The following THSD7B variants were observed in gnomAD, a reference collection of about 807,000 sequenced individuals.
THSD7B encodes thrombospondin type 1 domain containing 7B.
THSD7B carries 138 observed loss-of-function variants against 213.6 expected under a neutral mutation model. That is an observed-to-expected ratio of 0.65 (90% CI 0.56 to 0.74). THSD7B has a LOEUF of 0.74. Among genes scored for constraint, THSD7B ranks in the 30% least tolerant of loss-of-function variants. The pLI is 0.00. For synonymous variants in THSD7B, 742 were observed against 687.0 expected (o/e 1.08, Z -1.25); for missense variants, 1,931 against 1,991.5 (o/e 0.97, Z 0.58).
chr2:137,469,794 G>A (rs1688058544), intron 15 of THSD7B, among the ~76,000 whole-genome samples: 1 of 152,100 alleles, frequency 6.6e-6, no homozygotes, highest in Non-Finnish European at 1.5e-5. Flanking sequence ...AAAGAGCACC[G>A]GTTGTTTCTC....
chr2:137,284,463 G>T (rs1683118579), intron 12 of THSD7B, among the ~76,000 whole-genome samples: 1 of 151,964 alleles, frequency 6.6e-6, no homozygotes, highest in Non-Finnish European at 1.5e-5. Flanking sequence ...GTTCGCTCTT[G>T]CTTCTCTAGT....
chr2:137,368,629 T>G (rs1573988215), intron 12 of THSD7B, among the ~76,000 whole-genome samples: 1 of 152,146 alleles, frequency 6.6e-6, no homozygotes, highest in East Asian at 1.9e-4. Flanking sequence ...AAATCAGAAT[T>G]GAAGATTATA....
At chr2:137,647,943 C>T (rs767245523) in intron 21 of THSD7B, among the ~76,000 whole-genome samples, 1 of 152,160 alleles carries the variant, frequency 6.6e-6, no homozygotes, top group Non-Finnish European at 1.5e-5. Context: ...TTGCCTTGGA[C>T]TCTGTTTTCT....
At chr2:136,834,145 T>C (rs1363189292) in intron 1 of THSD7B, among the ~76,000 whole-genome samples, 2 of 152,214 alleles carry the variant, frequency 1.3e-5, no homozygotes, top group Non-Finnish European at 2.9e-5. Context: ...TTGCTGAAAC[T>C]TCTCACAATC....
At chr2:136,917,635 C>G (rs1228998577) in intron 2 of THSD7B, among the ~76,000 whole-genome samples, 4 of 152,138 alleles carry the variant, frequency 2.6e-5, no homozygotes, top group African/African-American at 9.7e-5. Context: ...GGTTTCATTT[C>G]AGTCTGTTCC....
chr2:137,671,246 T>A (rs1055439585), intron 27 of THSD7B, among the ~76,000 whole-genome samples: 11 of 62,644 alleles, frequency 1.8e-4, no homozygotes, highest in Non-Finnish European at 4.1e-4. Context: ...TTTTTTTTTT[T>A]TAAAAAAAAA....
intron 6 of THSD7B, among the ~76,000 whole-genome samples, chr2:137,164,531 T>C (rs1484928064): frequency 2.6e-5 from 4 of 152,160 alleles, no homozygotes; most frequent in Non-Finnish European, 5.9e-5. Context: ...CATTACTGGG[T>C]ATATACCCAA....
At chr2:137,440,238 A>G (rs761338257) in intron 14 of THSD7B, among the ~76,000 whole-genome samples, 3 of 152,068 alleles carry the variant, frequency 2.0e-5, no homozygotes, top group Non-Finnish European at 4.4e-5. Flanking sequence ...TTGTTTTTTA[A>G]ATTTTAAAGA....
chr2:137,274,304 TTC>T (rs1309752427), intron 11 of THSD7B, among the ~76,000 whole-genome samples: 1 of 152,146 alleles, frequency 6.6e-6, no homozygotes, highest in African/African-American at 2.4e-5. Context: ...TATCATTATC[TTC>T]TGATTCTTCT....
In THSD7B at chr2:137,334,176, C is replaced by CTT. The variant is rs1395290093; in HGVS notation, c.2500+58151_2500+58152insTT. On this transcript the variant is annotated intron_variant, in intron 12 of 27. Transcript: ENST00000409968. ...CATTTCTTTCTTTCTCTCTTTCTCT[C>CTT]TCTCTCTCTCTCTCTCTCTCTCTCT... Among the ~76,000 whole-genome samples the CTT allele has an allele frequency of 4.4e-4, 12 of 27,334 alleles. No individual in the cohort carries two copies. In the East Asian group the frequency reaches 0.035, roughly 81 times the overall value. 17.9% of individuals were successfully genotyped at this position (27,334 alleles called of 152,430 possible).
chr2:137,583,660 A>G (rs1681639350), intron 17 of THSD7B, among the ~76,000 whole-genome samples: 2 of 152,114 alleles, frequency 1.3e-5, no homozygotes, highest in Middle Eastern at 3.4e-3. Context: ...GATGTGTGGT[A>G]TTATTTCTGA....
At chr2:137,515,163 G>A (rs576923477) in intron 15 of THSD7B, among the ~76,000 whole-genome samples, 123 of 152,254 alleles carry the variant, frequency 8.1e-4, no homozygotes, top group Non-Finnish European at 1.6e-3. Flanking sequence ...AGGACCCTGC[G>A]ACTTGGAATG....
chr2:137,101,337 G>A lies in THSD7B; in HGVS notation c.1199+6216G>A, dbSNP rs186613759. ...GATTACAGGCGTGAGCCACCATGCC[G>A]GCCTTCCATTGATTTTCTATCACAG... On this transcript the variant is annotated intron_variant, in intron 4 of 27. Coordinates refer to ENST00000409968, the MANE Select transcript of THSD7B (RefSeq NM_001316349.2). Among the ~76,000 whole-genome samples, 719 of 152,220 alleles carry A rather than the reference G, an allele frequency of 4.7e-3. 3 individuals are homozygous for A. Among genetic ancestry groups the A allele is most frequent in the African/African-American group, 0.016 (669 of 41,542 alleles).
chr2:136,844,063 G>A (rs66577830), intron 1 of THSD7B, among the ~76,000 whole-genome samples: 23,198 of 152,088 alleles, frequency 0.15, 2,469 homozygotes, highest in East Asian at 0.38. Context: ...CCCCCTTTAG[G>A]CAGAGCTTTG....
intron 2 of THSD7B, among the ~76,000 whole-genome samples, chr2:136,974,353 C>G (rs183092631): frequency 6.6e-6 from 1 of 151,972 alleles, no homozygotes. Flanking sequence ...TCCCCTGAAC[C>G]CCCCGCCCCG....
At chr2:137,408,249 C>G (rs189560091) in intron 13 of THSD7B, among the ~76,000 whole-genome samples, 1 of 152,336 alleles carries the variant, frequency 6.6e-6, no homozygotes, top group East Asian at 1.9e-4. Context: ...CTAATAACTT[C>G]TGGTCACCTT....
intron 12 of THSD7B, among the ~76,000 whole-genome samples, chr2:137,393,765 A>C (rs1351564344): frequency 7.1e-6 from 1 of 140,942 alleles, no homozygotes; most frequent in Non-Finnish European, 1.6e-5. Flanking sequence ...GAACTAGTTT[A>C]CAGTACCACC....
At chr2:137,572,095 T>A (rs960120400) in intron 16 of THSD7B, among the ~76,000 whole-genome samples, 2 of 152,204 alleles carry the variant, frequency 1.3e-5, no homozygotes, top group African/African-American at 4.8e-5. Context: ...GTGCTGGACC[T>A]GAGTAAATGT....
At chr2:137,433,863 A>G (rs1160413408) in intron 14 of THSD7B, among the ~76,000 whole-genome samples, 1 of 152,158 alleles carries the variant, frequency 6.6e-6, no homozygotes, top group African/African-American at 2.4e-5. Context: ...GTAACCCCCA[A>G]TCTGAGTATA....
Sources: gnomAD v4.1 joint callset for allele counts (sites outside exome capture counted in the v4.1 genomes callset) on GRCh38, gnomAD v4.1.1 for gene constraint, MANE v1.5 for transcripts, NCBI Gene and HGNC (gene_info 2026-07-23, HGNC 2026-07-21) for gene names.